The following MPPE1 variants were observed in gnomAD, a reference collection of about 807,000 sequenced individuals.
MPPE1 encodes the protein metallo phosphoesterase.
A neutral mutation model predicts 43.8 loss-of-function variants in MPPE1; 28 were observed. The ratio of observed to expected loss-of-function variants is 0.64; its 90% CI spans 0.47 to 0.88. The LOEUF (loss-of-function observed/expected upper bound fraction) is 0.88. MPPE1 is among the 40% of genes least tolerant of loss of function. The pLI is 0.00. For synonymous variants in MPPE1, 159 were observed against 188.5 expected, an observed-to-expected ratio of 0.84 and a Z score of 1.28; for missense variants, 428 against 492.2, an observed-to-expected ratio of 0.87 and a Z score of 1.23.
intron 4 of MPPE1, 98 bp from the exon 5 acceptor site, chr18:11,889,588 G>C: frequency 1.2e-6 from 1 of 833,932 alleles, no homozygotes; most frequent in Non-Finnish European, 1.9e-6. Flanking sequence ...TTTTTGAGAC[G>C]AGTCTGGCTC....
chr18:11,884,686 T>C (rs113658247), intron 10 of MPPE1, 59 bp from the exon 11 acceptor site: 13 of 1,543,730 alleles, frequency 8.4e-6, no homozygotes, highest in East Asian at 2.3e-5. Context: ...AACACCGCAG[T>C]CTTAGAAACA....
intron 2 of MPPE1, among the ~76,000 whole-genome samples, chr18:11,901,542 T>C (rs562810940): frequency 1.3e-3 from 199 of 150,534 alleles, no homozygotes; most frequent in Non-Finnish European, 2.6e-3. Flanking sequence ...AAGTACTTAA[T>C]TTAAAAGGGA....
rs538270648 is a variant in MPPE1 at position 11,888,575 on chromosome 18, C to T, written c.569+94G>A. ...ATCATAAACCAGGCTAAACAGAACG[C>T]AGGTAGATGATAGATCCCAGTATGG... On this transcript the variant is annotated intron_variant, in intron 6 of 10. Coordinates refer to ENST00000588072, the MANE Select transcript of MPPE1 (RefSeq NM_023075.6). The T allele has an allele frequency of 2.3e-5, 17 of 733,804 alleles. No homozygotes were observed. The South Asian group carries it at 2.5e-4, about 11-fold the overall frequency. 45.5% of individuals were successfully genotyped at this position (733,804 alleles called of 1,614,324 possible). A position where few individuals can be genotyped will look rare whatever the true frequency, so the allele number is the denominator to read the frequency against.
chr18:11,896,662 T>C (rs1004511352), intron 3 of MPPE1, among the ~76,000 whole-genome samples: 2 of 152,200 alleles, frequency 1.3e-5, no homozygotes, highest in African/African-American at 4.8e-5. Context: ...TTGTGTAGCA[T>C]CTTGTTGTCA....
intron 3 of MPPE1, among the ~76,000 whole-genome samples, chr18:11,894,118 G>A (rs1174115916): frequency 6.6e-6 from 1 of 152,114 alleles, no homozygotes; most frequent in Non-Finnish European, 1.5e-5. Context: ...CCTCCCAGAG[G>A]TAAGACAAGC....
chr18:11,908,060 C>T (rs1186659533), intron 1 of MPPE1, 141 bp downstream of exon 1: 1 of 152,174 alleles, frequency 6.6e-6, no homozygotes, highest in African/African-American at 2.4e-5. Context: ...CAAAGTAATA[C>T]ATGGGCCTTA....
intron 10 of MPPE1, chr18:11,884,990 C>G (rs1020804178): frequency 7.7e-7 from 1 of 1,301,918 alleles, no homozygotes. Context: ...CAGCGAGGAA[C>G]AAGGAGGGAA....
intron 1 of MPPE1, among the ~76,000 whole-genome samples, chr18:11,906,698 A>C (rs1338601429): frequency 6.6e-6 from 1 of 151,964 alleles, no homozygotes; most frequent in Non-Finnish European, 1.5e-5. Flanking sequence ...TCTACTAAAA[A>C]TACAAAATCA....
intron 3 of MPPE1, among the ~76,000 whole-genome samples, chr18:11,894,177 C>A (rs1369523386): frequency 6.6e-6 from 1 of 151,944 alleles, no homozygotes. Flanking sequence ...GCCTGTAATC[C>A]CAGCACTTTG....
At chr18:11,893,228 T>G (rs12456011) in intron 4 of MPPE1, 16,060 of 483,904 alleles carry the variant, frequency 0.033, 621 homozygotes, top group African/African-American at 0.14. Context: ...ATCGACATAT[T>G]TCCTACATAG....
intron 2 of MPPE1, among the ~76,000 whole-genome samples, chr18:11,900,823 C>T (rs182490180): frequency 1.7e-4 from 25 of 151,080 alleles, no homozygotes; most frequent in African/African-American, 4.9e-4. Context: ...AGGAGAATGG[C>T]GTGAACCCAG....
intron 2 of MPPE1, among the ~76,000 whole-genome samples, chr18:11,900,128 C>T (rs1281884354): frequency 6.6e-6 from 1 of 152,068 alleles, no homozygotes; most frequent in Non-Finnish European, 1.5e-5. Flanking sequence ...GGGCGGATCA[C>T]CTGAGGTCAG....
chr18:11,906,498 T>G (rs775041324), intron 1 of MPPE1, among the ~76,000 whole-genome samples, 189 bp from the exon 2 acceptor site: 2 of 152,176 alleles, frequency 1.3e-5, no homozygotes, highest in Non-Finnish European at 2.9e-5. Flanking sequence ...TATATATAAA[T>G]TATATAAAAC....
chr18:11,893,134 C>T (rs750636746), intron 4 of MPPE1: 4 of 230,526 alleles, frequency 1.7e-5, no homozygotes, highest in Non-Finnish European at 3.4e-5. Flanking sequence ...TCGGTGACAA[C>T]TGAAATAACA....
chr18:11,884,642 G>A lies in MPPE1; in HGVS notation c.1009-15C>T, dbSNP rs768963594. 5 of 1,611,684 alleles carry A rather than the reference G, an allele frequency of 3.1e-6. No homozygotes were observed. The South Asian group carries it at 5.5e-5, about 18-fold the overall frequency. On this transcript the variant is annotated splice_polypyrimidine_tract_variant and intron_variant, in intron 10 of 10. Coordinates refer to ENST00000588072, the MANE Select transcript of MPPE1 (RefSeq NM_023075.6). ...GTGATGCTACCCTGGAAAGGAGAAGGGAAAGTTATGCTGAGAGCACCAGGC... is the reference window on the plus strand; with the variant it reads ...GTGATGCTACCCTGGAAAGGAGAAGAGAAAGTTATGCTGAGAGCACCAGGC...
chr18:11,901,708 G>A lies in MPPE1; in HGVS notation c.-92-4352C>T, dbSNP rs373686953. On this transcript the variant is annotated intron_variant, in intron 2 of 10. Transcript: ENST00000588072. The stretch of plus-strand genomic sequence containing the variant: ...ACAAAAATTAGGCAGGTGTGGTGGT[G>A]CATGCCTGTAATCCCAGCTACTAGG... 2.6e-5 allele frequency among the ~76,000 whole-genome samples: 4 copies of A among 152,036 alleles called. No individual in the cohort carries two copies. In the South Asian group the frequency reaches 6.2e-4, roughly 24 times the overall value.
At chr18:11,895,631 G>A (rs2038514469) in intron 3 of MPPE1, among the ~76,000 whole-genome samples, 1 of 151,862 alleles carries the variant, frequency 6.6e-6, no homozygotes, top group Non-Finnish European at 1.5e-5. Flanking sequence ...CTCAAACTCT[G>A]GTGCTCAAAG....
At position 11,891,452 on chromosome 18, in the gene MPPE1, T is replaced by C. The variant is rs1259717715; in HGVS notation, c.391-1962A>G. The C allele has an allele frequency of 3.9e-5, 6 of 152,198 alleles. No homozygotes were observed. The East Asian group carries it at 1.2e-3, about 29-fold the overall frequency. 9.4% of individuals were successfully genotyped at this position (152,198 alleles called of 1,614,324 possible). ...TCACGCCACTGCACTCCAGACTTGG[T>C]GACAGAGCAAGACACCAGCTGAAAA... On this transcript the variant is annotated intron_variant, in intron 4 of 10. Coordinates refer to ENST00000588072, the MANE Select transcript of MPPE1 (RefSeq NM_023075.6).
intron 2 of MPPE1, among the ~76,000 whole-genome samples, chr18:11,897,910 A>C (rs2080527406): frequency 6.6e-6 from 1 of 152,272 alleles, no homozygotes; most frequent in Non-Finnish European, 1.5e-5. Flanking sequence ...AGGATCTGAC[A>C]GTGAAACCAC....
Sources: allele counts gnomAD v4.1 joint callset (sites outside exome capture counted in the v4.1 genomes callset), GRCh38; gene constraint gnomAD v4.1.1; transcripts MANE v1.5; gene names NCBI Gene and HGNC (gene_info 2026-07-23, HGNC 2026-07-21).